RCE1: variants seen among roughly 807,000 people sequenced by gnomAD.
The protein encoded by RCE1 is CAAX prenyl protease 2.
Under a neutral mutation model 35.0 loss-of-function variants are expected in RCE1, and 15 were observed. The ratio of observed to expected loss-of-function variants is 0.43; its 90% CI spans 0.29 to 0.66. The LOEUF (loss-of-function observed/expected upper bound fraction) is 0.66, where lower values mean the gene tolerates loss of function less well. Ranked by LOEUF, RCE1 falls within the 30% of genes least tolerant of loss-of-function variation. RCE1 has a pLI of 0.17. For missense variants in RCE1, 434 were observed against 433.0 expected (o/e 1.00, Z -0.02); for synonymous variants, 261 against 192.7 (o/e 1.35, Z -2.94).
rs560263038 is a variant in RCE1, at chr11:66,845,926, C to T, written c.821C>T (p.Ala274Val). 80 of 1,613,704 alleles carry T rather than the reference C, an allele frequency of 5.0e-5. No individual in the cohort carries two copies. The highest frequency in any genetic ancestry group is 5.9e-5 in the Non-Finnish European group (70 of 1,180,034). The change falls in exon 8 of 8, where the codon GCG (alanine) becomes GTG (valine). Residue 274 changes from alanine (A) to valine (V), a missense_variant. By Grantham distance (64) the Ala-to-Val change is moderately conservative. Transcript: ENST00000309657. ...CNYMGFPAVCAALEHPQRRPL... is the reference protein window; with the variant it reads ...CNYMGFPAVCVALEHPQRRPL... ...TACATGGGTTTCCCAGCTGTTTGCG[C>T]GGCCTTGGAGCACCCACAGAGGCGG...
Position 66,845,615 on chromosome 11 carries a change from G to GA in RCE1, c.754+55dup. 2.5e-6 allele frequency: 4 copies of GA among 1,611,054 alleles called. No individual in the cohort carries two copies. In the South Asian group the frequency reaches 4.4e-5, roughly 18 times the overall value. On this transcript the variant is annotated intron_variant, in intron 7 of 7. Coordinates refer to ENST00000309657, the MANE Select transcript of RCE1 (RefSeq NM_005133.3). ...TGGGGGCCCACAGGAGCGGGTGGGA[G>GA]AATGGGAATACTGTTTGTTCTAGGA...
Position 66,846,355 on chromosome 11 carries a change from C to T in RCE1, c.*260C>T, listed in dbSNP as rs1945210311. The stretch of plus-strand genomic sequence containing the variant: ...GGTCCCAGGAGCCACACACTCCCTT[C>T]CTCACTTTGGACTGCTGCTTCTCTT... On this transcript the variant is annotated 3_prime_UTR_variant, in exon 8 of 8. Transcript: ENST00000309657. 3 of 431,518 alleles carry T rather than the reference C, an allele frequency of 7.0e-6. 1 individual carries two copies. In the South Asian group the frequency reaches 1.3e-4, roughly 18 times the overall value. The allele number at this position is 431,518 out of a possible 1,614,324, so 26.7% of individuals were successfully genotyped here.
Position 66,844,880 on chromosome 11 carries a change from T to C in RCE1, c.463T>C (p.Trp155Arg), listed in dbSNP as rs1456773907. The C allele has an allele frequency of 6.5e-7, 1 of 1,542,326 alleles. No individual in the cohort carries two copies. Among genetic ancestry groups the C allele is most frequent in the East Asian group, 2.3e-5 (1 of 44,286 alleles). The change falls in exon 5 of 8, where the codon TGG becomes CGG. Residue 155 changes from tryptophan to arginine, a missense_variant. Physicochemically the swap from Trp to Arg is moderately radical, Grantham distance 101. Coordinates refer to ENST00000309657, the MANE Select transcript of RCE1 (RefSeq NM_005133.3). ...GLKVVLAPRS[W>R]ARCLTDMRWL... ...AATTCCCTCTGCAGCCCCCCGCTCC[T>C]GGGCCCGCTGCCTCACAGACATGCG...
chr11:66,846,170 G>C lies in RCE1; in HGVS notation c.*75G>C. 6.7e-7 allele frequency: 1 copy of C among 1,489,462 alleles called. No homozygotes were observed. Among genetic ancestry groups the C allele is most frequent in the South Asian group, 1.3e-5 (1 of 74,460 alleles). 92.3% of individuals were successfully genotyped at this position (1,489,462 alleles called of 1,614,324 possible). Reference sequence around the variant, plus strand: ...CCACCAAGGGGTACTGCAGGGGAAGGGCTGGCTGGGGTCCCCGAGATCTCA... The same window carrying C: ...CCACCAAGGGGTACTGCAGGGGAAGCGCTGGCTGGGGTCCCCGAGATCTCA... On this transcript the variant is annotated 3_prime_UTR_variant, in exon 8 of 8. Coordinates refer to ENST00000309657, the MANE Select transcript of RCE1 (RefSeq NM_005133.3).
chr11:66,843,697 C>T (rs1035257200), intron 1 of RCE1, 57 bp downstream of exon 1: 2 of 1,602,896 alleles, frequency 1.2e-6, no homozygotes, highest in Non-Finnish European at 1.7e-6. Flanking sequence ...TTGGGCGAGC[C>T]GGGGGCGGGT....
Position 66,844,894 on chromosome 11 carries a change from C to A in RCE1, c.477C>A (p.Leu159=). 1 of 1,565,050 alleles carries A rather than the reference C, an allele frequency of 6.4e-7. No homozygotes were observed. The highest frequency in any genetic ancestry group is 8.6e-7 in the Non-Finnish European group (1 of 1,157,212). The change falls in exon 5 of 8, where the codon CTC becomes CTA. Residue 159 remains leucine, a synonymous_variant. Transcript: ENST00000309657. ...CCCCCCGCTCCTGGGCCCGCTGCCT[C>A]ACAGACATGCGTTGGCTGCGGAACC... ...VLAPRSWARC[L]TDMRWLRNQV...
Position 66,843,880 on chromosome 11 carries a change from A to G in RCE1, c.288+19A>G, listed in dbSNP as rs1945145970. On this transcript the variant is annotated intron_variant, in intron 2 of 7. Coordinates refer to ENST00000309657, the MANE Select transcript of RCE1 (RefSeq NM_005133.3). ...CATCCAGGTGCGAAGGAGGCGGGGC[A>G]AAGGGCAACGGCGGTGAGAGCTCAG... is the stretch of plus-strand genomic sequence containing the variant. The G allele has an allele frequency of 3.1e-6, 5 of 1,613,996 alleles. No homozygotes were observed. In the Admixed American group the frequency reaches 6.7e-5, roughly 22 times the overall value.
intron 7 of RCE1, 107 bp downstream of exon 7, chr11:66,845,669 G>C (rs1320163677): frequency 1.3e-6 from 2 of 1,565,320 alleles, no homozygotes; most frequent in Non-Finnish European, 1.7e-6. Context: ...CAGTCCTTGA[G>C]ACAGGCTGAG....
chr11:66,845,540 T>G lies in RCE1; in HGVS notation c.732T>G (p.Thr244=), dbSNP rs1335855158. The G allele has an allele frequency of 6.2e-7, 1 of 1,614,114 alleles. No individual in the cohort carries two copies. Among genetic ancestry groups the G allele is most frequent in the Non-Finnish European group, 8.5e-7 (1 of 1,180,044 alleles). ...FSYTAVFGAY[T]AFLFIRTGHL... ...ACACAGCTGTCTTCGGTGCCTACAC[T>G]GCTTTCCTCTTCATCCGCACAGGTT... Residue 244 remains threonine (T), a synonymous_variant, in exon 7 of 8, where the codon ACT becomes ACG. Transcript: ENST00000309657.
Position 66,843,868 on chromosome 11 carries a change from A to G in RCE1, c.288+7A>G. On this transcript the variant is annotated splice_region_variant and intron_variant, in intron 2 of 7. Coordinates refer to ENST00000309657, the MANE Select transcript of RCE1 (RefSeq NM_005133.3). ...GGAACTCACAGGCATCCAGGTGCGA[A>G]GGAGGCGGGGCAAAGGGCAACGGCG... 1 of 1,614,064 alleles carries G rather than the reference A, an allele frequency of 6.2e-7. No individual in the cohort carries two copies. The highest frequency in any genetic ancestry group is 8.5e-7 in the Non-Finnish European group (1 of 1,179,998).
In RCE1 at chr11:66,844,373, T is replaced by G; in HGVS notation, c.451+9T>G. The stretch of plus-strand genomic sequence containing the variant: ...GCTGAAGGTTGTCCTGGGTGAGTCT[T>G]AAAGGCTGAAGGGAAAAGTAGGCAC... On this transcript the variant is annotated intron_variant, in intron 4 of 7. Transcript: ENST00000309657. 6.2e-7 allele frequency: 1 copy of G among 1,614,118 alleles called. No homozygotes were observed. The highest frequency in any genetic ancestry group is 8.5e-7 in the Non-Finnish European group (1 of 1,180,016).
At position 66,846,307 on chromosome 11, in the gene RCE1, TGTGA is replaced by T. The variant is rs781032109; in HGVS notation, c.*218_*221del. 2.0e-5 allele frequency: 12 copies of T among 585,638 alleles called. No homozygotes were observed. Among genetic ancestry groups the T allele is most frequent in the South Asian group, 1.0e-4 (4 of 38,178 alleles). 36.3% of individuals were successfully genotyped at this position (585,638 alleles called of 1,614,324 possible). On this transcript the variant is annotated 3_prime_UTR_variant, in exon 8 of 8. Transcript: ENST00000309657. ...TTTGAAAGGGGTGTTTACGAGCAGC[TGTGA>T]GTGAGGGGACAAGGGGCAGGTCCCA...
chr11:66,845,400 C>T, intron 6 of RCE1, 100 bp from the exon 7 acceptor site: 3 of 1,595,422 alleles, frequency 1.9e-6, no homozygotes, highest in Non-Finnish European at 2.6e-6. Context: ...GCAGCTACTG[C>T]CCCGGGGGGA....
Position 66,845,526 on chromosome 11 carries a change from T to G in RCE1, c.718T>G (p.Phe240Val), listed in dbSNP as rs1475193599. 1 of 1,614,092 alleles carries G rather than the reference T, an allele frequency of 6.2e-7. No homozygotes were observed. The highest frequency in any genetic ancestry group is 8.5e-7 in the Non-Finnish European group (1 of 1,180,038). ...AAFQFSYTAV[F>V]GAYTAFLFIR... ...GTTCCAGTTCTCCTACACAGCTGTC[T>G]TCGGTGCCTACACTGCTTTCCTCTT... is the stretch of plus-strand genomic sequence containing the variant. Residue 240 changes from phenylalanine to valine, a missense_variant, in exon 7 of 8, where the codon TTC (phenylalanine) becomes GTC (valine). Transcript: ENST00000309657.
intron 4 of RCE1, 91 bp downstream of exon 4, chr11:66,844,455 CGT>C: frequency 1.3e-6 from 2 of 1,484,864 alleles, no homozygotes; most frequent in Non-Finnish European, 1.9e-6. Flanking sequence ...GATCTGGACA[CGT>C]GAAATGTCAT....
intron 4 of RCE1, 87 bp from the exon 5 acceptor site, chr11:66,844,782 A>C: frequency 6.9e-7 from 1 of 1,452,222 alleles, no homozygotes. Flanking sequence ...GCCAGGGTAA[A>C]GTTGTGGGAG....
At chr11:66,843,704 G>C (rs1437502878) in intron 1 of RCE1, 55 bp from the exon 2 acceptor site, 4 of 1,604,046 alleles carry the variant, frequency 2.5e-6, no homozygotes, top group Non-Finnish European at 3.4e-6. Flanking sequence ...AGCCGGGGGC[G>C]GGTCCGTGCT....
chr11:66,844,835 G>A (rs1565201974), intron 4 of RCE1, 34 bp from the exon 5 acceptor site: 3 of 1,505,264 alleles, frequency 2.0e-6, no homozygotes, highest in Non-Finnish European at 2.7e-6. Context: ...CTGACAGCCC[G>A]TCACTCACAG....
rs1001537769 is a variant in RCE1, at chr11:66,846,521, G to A, written c.*426G>A. ...TTGGGATATTAAAGAGATTTAACTTGGGTAACATGGCCTTGGGCCTTTGGG... is the reference window on the plus strand; with the variant it reads ...TTGGGATATTAAAGAGATTTAACTTAGGTAACATGGCCTTGGGCCTTTGGG... On this transcript the variant is annotated 3_prime_UTR_variant, in exon 8 of 8. Coordinates refer to ENST00000309657, the MANE Select transcript of RCE1 (RefSeq NM_005133.3). 1.3e-5 allele frequency: 2 copies of A among 157,708 alleles called. No homozygotes were observed. Among genetic ancestry groups the A allele is most frequent in the South Asian group, 1.7e-4 (1 of 5,956 alleles). 9.8% of individuals were successfully genotyped at this position (157,708 alleles called of 1,614,324 possible). A position where few individuals can be genotyped will look rare whatever the true frequency, so the allele number is the denominator to read the frequency against.
Sources: allele counts gnomAD v4.1 joint callset, GRCh38; gene constraint gnomAD v4.1.1; transcripts MANE v1.5; gene names NCBI Gene and HGNC (gene_info 2026-07-23, HGNC 2026-07-21).